The following ADAMTS12 variants were observed in gnomAD, a reference collection of about 807,000 sequenced individuals.
ADAMTS12 encodes the protein ADAM metallopeptidase with thrombospondin type 1 motif 12.
In ADAMTS12, 118 loss-of-function variants were observed where a neutral mutation model predicts 167.8. The ratio of observed to expected loss-of-function variants is 0.70; its 90% CI spans 0.61 to 0.82. The LOEUF (loss-of-function observed/expected upper bound fraction) is 0.82. Among genes scored for constraint, ADAMTS12 ranks in the 40% least tolerant of loss-of-function variants. ADAMTS12 has a pLI of 0.00. For missense variants in ADAMTS12, 1,916 were observed against 1,998.8 expected, an observed-to-expected ratio of 0.96 and a Z score of 0.79; for synonymous variants, 704 against 716.9, an observed-to-expected ratio of 0.98 and a Z score of 0.29.
At chr5:33,615,623 C>T (rs1429975553) in intron 15 of ADAMTS12, among the ~76,000 whole-genome samples, 19 of 152,154 alleles carry the variant, frequency 1.2e-4, no homozygotes, top group Admixed American at 1.2e-3. Flanking sequence ...TTTTAAAGCA[C>T]CTTGCATTTT....
intron 18 of ADAMTS12, 47 bp downstream of exon 18, chr5:33,588,552 G>C: frequency 6.3e-7 from 1 of 1,597,042 alleles, no homozygotes; most frequent in Non-Finnish European, 8.6e-7. Context: ...GGCAGGGGCT[G>C]ATGAAGCTTG....
intron 3 of ADAMTS12, among the ~76,000 whole-genome samples, chr5:33,684,840 G>C (rs1037058537): frequency 6.6e-6 from 1 of 152,166 alleles, no homozygotes; most frequent in Non-Finnish European, 1.5e-5. Context: ...GTAGCTGCAC[G>C]GAATCATTCT....
intron 13 of ADAMTS12, among the ~76,000 whole-genome samples, chr5:33,625,580 T>C (rs779603301): frequency 2.6e-5 from 4 of 152,142 alleles, no homozygotes; most frequent in African/African-American, 4.8e-5. Context: ...GAAATAGATA[T>C]AAAAAATGTG....
Position 33,576,416 on chromosome 5 carries a change from G to T in ADAMTS12, c.3610C>A (p.Leu1204Ile), listed in dbSNP as rs1370945961. Reference protein sequence around the residue: ...MPLAPPLTPDLSRESWWPPFS... With the variant: ...MPLAPPLTPDISRESWWPPFS... Reference sequence around the variant, plus strand: ...GGTGGCCACCAGGACTCCCTGCTGAGATCTGGTGTTAGTGGAGGTGCAAGT... The same window carrying T: ...GGTGGCCACCAGGACTCCCTGCTGATATCTGGTGTTAGTGGAGGTGCAAGT... The change falls in exon 19 of 24, where the codon CTC becomes ATC. Residue 1204 changes from leucine (L) to isoleucine (I), a missense_variant. By Grantham distance (5) the Leu-to-Ile change is conservative. Transcript: ENST00000504830. 1 of 1,613,554 alleles carries T rather than the reference G, an allele frequency of 6.2e-7. No individual in the cohort carries two copies. Among genetic ancestry groups the T allele is most frequent in the South Asian group, 1.1e-5 (1 of 91,012 alleles).
intron 9 of ADAMTS12, among the ~76,000 whole-genome samples, chr5:33,644,436 C>A (rs1740585227): frequency 6.6e-6 from 1 of 152,184 alleles, no homozygotes; most frequent in Non-Finnish European, 1.5e-5. Flanking sequence ...TTCTTTTCAA[C>A]CATGTCAAGT....
chr5:33,693,612 C>T (rs559085982), intron 3 of ADAMTS12, among the ~76,000 whole-genome samples: 34 of 152,164 alleles, frequency 2.2e-4, no homozygotes, highest in African/African-American at 3.9e-4. Context: ...TGATAAAATG[C>T]GACATCCCTC....
At position 33,881,407 on chromosome 5, in the gene ADAMTS12, C is replaced by CA. The variant is rs1181397524; in HGVS notation, c.200dup (p.Leu67PhefsTer39). ...TGATGGGATAGTGCAAGCCATATGA[C>CA]AAAAAATGCCCACTGGCATCTACTC... is the stretch of plus-strand genomic sequence containing the variant. On this transcript the variant is annotated frameshift_variant, in exon 2 of 24. Coordinates refer to ENST00000504830, the MANE Select transcript of ADAMTS12 (RefSeq NM_030955.4). LOFTEE classifies it high-confidence loss of function. The CA allele has an allele frequency of 3.7e-6, 6 of 1,613,932 alleles. No individual in the cohort carries two copies. Among genetic ancestry groups the CA allele is most frequent in the African/African-American group, 1.3e-5 (1 of 74,894 alleles).
chr5:33,857,369 T>C (rs1221724506), intron 2 of ADAMTS12, among the ~76,000 whole-genome samples: 2 of 151,850 alleles, frequency 1.3e-5, no homozygotes, highest in African/African-American at 4.8e-5. Context: ...TTAACAATAC[T>C]GAAGTGTATA....
intron 3 of ADAMTS12, among the ~76,000 whole-genome samples, chr5:33,689,547 G>T (rs1189512095): frequency 6.6e-6 from 1 of 152,116 alleles, no homozygotes; most frequent in Non-Finnish European, 1.5e-5. Context: ...GTGACCTTTT[G>T]ATACTAGATT....
chr5:33,616,110 A>T, intron 14 of ADAMTS12, 38 bp from the exon 15 acceptor site: 1 of 1,605,948 alleles, frequency 6.2e-7, no homozygotes, highest in Non-Finnish European at 8.5e-7. Flanking sequence ...GAGGCACGCC[A>T]GCTTCTCAGC....
chr5:33,822,565 G>T (rs1747906168), intron 2 of ADAMTS12, among the ~76,000 whole-genome samples: 1 of 152,114 alleles, frequency 6.6e-6, no homozygotes, highest in Non-Finnish European at 1.5e-5. Context: ...CTTATCACCT[G>T]CAAATGGCTG....
chr5:33,645,851 T>C (rs894862975), intron 9 of ADAMTS12, among the ~76,000 whole-genome samples: 8 of 152,228 alleles, frequency 5.3e-5, no homozygotes, highest in Admixed American at 3.9e-4. Flanking sequence ...GCCTACTATG[T>C]GCTAGGCATT....
At chr5:33,811,877 A>C (rs1211250735) in intron 2 of ADAMTS12, among the ~76,000 whole-genome samples, 1 of 152,060 alleles carries the variant, frequency 6.6e-6, no homozygotes, top group East Asian at 1.9e-4. Flanking sequence ...AGTGGTTGGA[A>C]TCTACACCCG....
Position 33,630,928 on chromosome 5 carries a change from G to A in ADAMTS12, c.1889-15C>T. The A allele has an allele frequency of 1.2e-6, 2 of 1,610,600 alleles. No individual in the cohort carries two copies. Among genetic ancestry groups the A allele is most frequent in the Non-Finnish European group, 1.7e-6 (2 of 1,177,424 alleles). On this transcript the variant is annotated splice_polypyrimidine_tract_variant and intron_variant, in intron 12 of 23. Coordinates refer to ENST00000504830, the MANE Select transcript of ADAMTS12 (RefSeq NM_030955.4). ...ACAAGGATGTGCTGAAGGGAAAAAAGAAGGCAAAGCCTTGCAAATTAGCTT... is the reference window on the plus strand; with the variant it reads ...ACAAGGATGTGCTGAAGGGAAAAAAAAAGGCAAAGCCTTGCAAATTAGCTT...
intron 15 of ADAMTS12, among the ~76,000 whole-genome samples, chr5:33,614,930 G>A (rs374222633): frequency 2.0e-5 from 3 of 152,052 alleles, no homozygotes; most frequent in Admixed American, 6.5e-5. Flanking sequence ...GTTGTCTTAC[G>A]ATGGCTTTCC....
chr5:33,816,112 T>C (rs1436235481), intron 2 of ADAMTS12, among the ~76,000 whole-genome samples: 1 of 152,162 alleles, frequency 6.6e-6, no homozygotes, highest in African/African-American at 2.4e-5. Flanking sequence ...GGGTGAAAAA[T>C]GCGCACCGCC....
At chr5:33,773,403 G>C (rs574942015) in intron 2 of ADAMTS12, among the ~76,000 whole-genome samples, 1 of 152,276 alleles carries the variant, frequency 6.6e-6, no homozygotes, top group Admixed American at 6.5e-5. Context: ...GCGGATGAGT[G>C]CACTATGTTC....
intron 3 of ADAMTS12, among the ~76,000 whole-genome samples, chr5:33,695,295 C>A (rs1742715096): frequency 6.6e-6 from 1 of 152,098 alleles, no homozygotes; most frequent in Non-Finnish European, 1.5e-5. Flanking sequence ...AGTTCCTCAC[C>A]CACTAGAACA....
intron 19 of ADAMTS12, among the ~76,000 whole-genome samples, chr5:33,564,992 G>T (rs1030963205): frequency 6.6e-6 from 1 of 152,066 alleles, no homozygotes; most frequent in East Asian, 1.9e-4. Flanking sequence ...TGATTCTACG[G>T]GCTCTAAGTT....
Sources: gnomAD v4.1 joint callset for allele counts (sites outside exome capture counted in the v4.1 genomes callset) on GRCh38, gnomAD v4.1.1 for gene constraint, MANE v1.5 for transcripts, NCBI Gene and HGNC (gene_info 2026-07-23, HGNC 2026-07-21) for gene names.